The following TOR1AIP2 variants were observed in gnomAD, a reference collection of about 807,000 sequenced individuals.
TOR1AIP2 encodes torsin 1A interacting protein 2, also known as torsin-1A-interacting protein 2.
Under a neutral mutation model 32.6 loss-of-function variants are expected in TOR1AIP2, and 20 were observed. The ratio of observed to expected loss-of-function variants is 0.61; its 90% CI spans 0.43 to 0.89. The LOEUF (loss-of-function observed/expected upper bound fraction) is 0.89, where lower values mean the gene tolerates loss of function less well. TOR1AIP2 is among the 40% of genes least tolerant of loss of function. The pLI, the probability that TOR1AIP2 is intolerant of heterozygous loss-of-function variation, is 0.00. For missense variants in TOR1AIP2, 456 were observed against 553.8 expected (o/e 0.82, Z 1.77); for synonymous variants, 214 against 210.8 (o/e 1.02, Z -0.13).
chr1:179,847,629 TCCAG>T lies in TOR1AIP2; in HGVS notation c.557_560del (p.Ala186GlufsTer21). Reference sequence around the variant, plus strand: ...ATTTTTGTGTTTGTTGTGGATGACTTCCAGCCTCTGGAGAGGAAAAGAATCAATA... The same window carrying T: ...ATTTTTGTGTTTGTTGTGGATGACTTCCTCTGGAGAGGAAAAGAATCAATA... On this transcript the variant is annotated frameshift_variant, in exon 6 of 7. Coordinates refer to ENST00000609928, the MANE Select transcript of TOR1AIP2 (RefSeq NM_001199260.2). LOFTEE classifies it high-confidence loss of function. 1 of 1,609,202 alleles carries T rather than the reference TCCAG, an allele frequency of 6.2e-7. No homozygotes were observed.
rs568250994 is a variant in TOR1AIP2 at position 179,842,519 on chromosome 1, C to T, written c.*3552G>A. ...GGAAGAAAAACCTCAAGTCCAAAGA[C>T]AGTTTCTGATTCTACCAATTGGTTC... On this transcript the variant is annotated 3_prime_UTR_variant, in exon 7 of 7. Transcript: ENST00000609928. 2.8e-4 allele frequency: 43 copies of T among 152,278 alleles called. No individual in the cohort carries two copies. Among genetic ancestry groups the T allele is most frequent in the African/African-American group, 1.0e-3 (42 of 41,544 alleles). The allele number at this position is 152,278 out of a possible 1,614,324, so 9.4% of individuals were successfully genotyped here.
At chr1:179,874,967 T>G (rs1170480064) in intron 2 of TOR1AIP2, 1 of 151,796 alleles carries the variant, frequency 6.6e-6, no homozygotes, top group Non-Finnish European at 1.5e-5. Context: ...ACTTGGTGTT[T>G]CTCTCTCTCT....
Position 179,843,510 on chromosome 1 carries a change from C to CAA in TOR1AIP2, c.*2559_*2560dup, listed in dbSNP as rs1171986747. The CAA allele has an allele frequency of 0.016, 1,139 of 71,670 alleles. 18 individuals carry two copies. The highest frequency in any genetic ancestry group is 0.024 in the African/African-American group (470 of 19,622). The allele number at this position is 71,670 out of a possible 1,614,324, so 4.4% of individuals were successfully genotyped here. On this transcript the variant is annotated 3_prime_UTR_variant, in exon 7 of 7. Transcript: ENST00000609928. Reference sequence around the variant, plus strand: ...TGGGTGACAGAGCAAGACCTTCTCTCAAAAAAAAAAAAAAAAAAAAAAGAA... The same window carrying CAA: ...TGGGTGACAGAGCAAGACCTTCTCTCAAAAAAAAAAAAAAAAAAAAAAAAGAA...
At chr1:179,850,702 G>T in intron 5 of TOR1AIP2, 143 bp downstream of exon 5, 5 of 923,956 alleles carry the variant, frequency 5.4e-6, no homozygotes, top group Non-Finnish European at 7.9e-6. Flanking sequence ...GTCATGGCTT[G>T]GTGTGAGCTT....
chr1:179,863,279 C>T, intron 3 of TOR1AIP2: 4 of 981,116 alleles, frequency 4.1e-6, no homozygotes, highest in Non-Finnish European at 4.8e-6. Context: ...GCAATGTGGC[C>T]TACCCAGGCA....
Position 179,846,167 on chromosome 1 carries a change from G to A in TOR1AIP2, c.1317C>T (p.Asp439=), listed in dbSNP as rs747847369. ...TCCACAGCCCACTCAATTTGTCTGA[G>A]TCCATGTGGTTGAAGGAGGTGGGAG... ...SDTPTSFNHM[D]SDKLSGLWSR... The change falls in exon 7 of 7, where the codon GAC becomes GAT. Residue 439 remains aspartate, a synonymous_variant. Coordinates refer to ENST00000609928, the MANE Select transcript of TOR1AIP2 (RefSeq NM_001199260.2). The A allele has an allele frequency of 1.2e-6, 2 of 1,614,210 alleles. No individual in the cohort carries two copies. Among genetic ancestry groups the A allele is most frequent in the Non-Finnish European group, 1.7e-6 (2 of 1,180,038 alleles).
At chr1:179,855,790 T>C (rs1336359684) in intron 3 of TOR1AIP2, among the ~76,000 whole-genome samples, 1 of 152,072 alleles carries the variant, frequency 6.6e-6, no homozygotes, top group Non-Finnish European at 1.5e-5. Context: ...AATAAGAAAG[T>C]GGGTTTAAAA....
At chr1:179,847,008 C>T (rs922895272) in intron 6 of TOR1AIP2, among the ~76,000 whole-genome samples, 180 bp from the exon 7 acceptor site, 18 of 152,144 alleles carry the variant, frequency 1.2e-4, no homozygotes, top group Admixed American at 1.0e-3. Context: ...AATCTCTTCT[C>T]AGATTTAATT....
At position 179,852,699 on chromosome 1, in the gene TOR1AIP2, A is replaced by G; in HGVS notation, c.-34T>C. 6.2e-7 allele frequency: 1 copy of G among 1,613,742 alleles called. No individual in the cohort carries two copies. Among genetic ancestry groups the G allele is most frequent in the Non-Finnish European group, 8.5e-7 (1 of 1,179,780 alleles). On this transcript the variant is annotated 5_prime_UTR_variant, in exon 4 of 7. Coordinates refer to ENST00000609928, the MANE Select transcript of TOR1AIP2 (RefSeq NM_001199260.2). Reference sequence around the variant, plus strand: ...TCTATCTCTTCAGAGTTGGGAGGATACTTTTTTTAGTACTTGGTTTTCCTT... The same window carrying G: ...TCTATCTCTTCAGAGTTGGGAGGATGCTTTTTTTAGTACTTGGTTTTCCTT...
Position 179,846,533 on chromosome 1 carries a change from A to G in TOR1AIP2, c.951T>C (p.Asp317=). The part of the protein sequence containing the change: ...TLKCLSHHVA[D]AYTSSQKVSP... ...AGACTTTCTGGGAAGAGGTGTAGGCATCTGCAACATGGTGGCTCAGGCACT... is the reference window on the plus strand; with the variant it reads ...AGACTTTCTGGGAAGAGGTGTAGGCGTCTGCAACATGGTGGCTCAGGCACT... Residue 317 remains aspartate, a synonymous_variant, in exon 7 of 7, where the codon GAT becomes GAC. Transcript: ENST00000609928. 6.2e-7 allele frequency: 1 copy of G among 1,614,186 alleles called. No individual in the cohort carries two copies. Among genetic ancestry groups the G allele is most frequent in the African/African-American group, 1.3e-5 (1 of 75,036 alleles).
intron 6 of TOR1AIP2, among the ~76,000 whole-genome samples, chr1:179,847,043 A>G (rs949677770): frequency 1.3e-4 from 20 of 152,252 alleles, no homozygotes; most frequent in African/African-American, 4.6e-4. Context: ...CTGTTAAAAG[A>G]TAAAAGCTAC....
chr1:179,861,983 T>C (rs1696553286), intron 3 of TOR1AIP2: 11 of 985,190 alleles, frequency 1.1e-5, no homozygotes, highest in Middle Eastern at 5.2e-4. Flanking sequence ...AACAGGTACA[T>C]GCCATGGCAC....
chr1:179,861,726 G>C, intron 3 of TOR1AIP2: 1 of 985,404 alleles, frequency 1.0e-6, no homozygotes, highest in African/African-American at 1.7e-5. Context: ...CTATCTTGCA[G>C]TACTATGAGT....
intron 2 of TOR1AIP2, among the ~76,000 whole-genome samples, chr1:179,870,692 A>G (rs1159853871): frequency 6.6e-6 from 1 of 152,206 alleles, no homozygotes; most frequent in East Asian, 1.9e-4. Flanking sequence ...TAATGCTACT[A>G]GCCTTGGTTT....
chr1:179,848,031 T>A (rs1450478422), intron 5 of TOR1AIP2, among the ~76,000 whole-genome samples: 3 of 123,360 alleles, frequency 2.4e-5, no homozygotes, highest in Non-Finnish European at 4.9e-5. Flanking sequence ...AGACTCCATC[T>A]CAGAAAAAAA....
At chr1:179,850,417 T>C (rs1696072043) in intron 5 of TOR1AIP2, among the ~76,000 whole-genome samples, 1 of 152,248 alleles carries the variant, frequency 6.6e-6, no homozygotes, top group Non-Finnish European at 1.5e-5. Context: ...TACTGTCCCA[T>C]TAATGCTCAT....
Position 179,846,756 on chromosome 1 carries a change from G to A in TOR1AIP2, c.728C>T (p.Ala243Val), listed in dbSNP as rs1390591098. Residue 243 changes from alanine to valine, a missense_variant, in exon 7 of 7, where the codon GCC (alanine) becomes GTC (valine). Ala to Val is a moderately conservative substitution (Grantham distance 64). Transcript: ENST00000609928. ...SSVNSYYSSP[A>V]QQVPKNPALE... ...AGCTGGATTTTTGGGCACTTGCTGG[G>A]CTGGAGAGGAATAGTAGCTATTCAC... The A allele has an allele frequency of 1.2e-6, 2 of 1,613,780 alleles. No individual in the cohort carries two copies. Among genetic ancestry groups the A allele is most frequent in the Non-Finnish European group, 1.7e-6 (2 of 1,180,012 alleles).
At chr1:179,848,519 A>G (rs1281432) in intron 5 of TOR1AIP2, among the ~76,000 whole-genome samples, 66,201 of 152,030 alleles carry the variant, frequency 0.44, 15,704 homozygotes, top group African/African-American at 0.63. Context: ...AAAAATCCAG[A>G]TGTAGGGAGG....
chr1:179,857,416 C>G (rs1163006193), intron 3 of TOR1AIP2, among the ~76,000 whole-genome samples: 2 of 152,168 alleles, frequency 1.3e-5, no homozygotes, highest in African/African-American at 2.4e-5. Context: ...AGACGGCCGG[C>G]TGAGGGATGC....
Sources: allele counts gnomAD v4.1 joint callset (sites outside exome capture counted in the v4.1 genomes callset), GRCh38; gene constraint gnomAD v4.1.1; transcripts MANE v1.5; gene names NCBI Gene and HGNC (gene_info 2026-07-23, HGNC 2026-07-21).